HHLA2: variants seen among roughly 807,000 people sequenced by gnomAD.
The protein encoded by HHLA2 is HERV-H LTR-associating protein 2.
HHLA2 carries 48 observed loss-of-function variants against 45.9 expected under a neutral mutation model. The ratio of observed to expected loss-of-function variants is 1.05; its 90% CI spans 0.83 to 1.33. HHLA2 has a LOEUF of 1.33. HHLA2 is among the 40% of genes most tolerant of loss of function. The pLI is 0.00. For synonymous variants in HHLA2, 161 were observed against 173.9 expected, an observed-to-expected ratio of 0.93 and a Z score of 0.59; for missense variants, 462 against 494.3, an observed-to-expected ratio of 0.93 and a Z score of 0.62.
intron 6 of HHLA2, 118 bp downstream of exon 5, chr3:108,355,499 G>T: frequency 8.3e-7 from 1 of 1,202,800 alleles, no homozygotes; most frequent in South Asian, 1.5e-5. Context: ...CATCTGCAGC[G>T]GTTAGAAGAC....
chr3:108,361,449 C>T (rs981509303), intron 7 of HHLA2, among the ~76,000 whole-genome samples: 1 of 151,946 alleles, frequency 6.6e-6, no homozygotes, highest in Non-Finnish European at 1.5e-5. Context: ...ATCAAGTAAC[C>T]CTTATTTTAT....
intron 2 of HHLA2, among the ~76,000 whole-genome samples, chr3:108,312,176 T>A (rs1002162588): frequency 4.6e-5 from 7 of 152,230 alleles, no homozygotes; most frequent in African/African-American, 1.7e-4. Flanking sequence ...GTCCAGACTC[T>A]CACCAGTTCC....
chr3:108,321,220 C>A (rs916140031), intron 2 of HHLA2, among the ~76,000 whole-genome samples: 1 of 151,672 alleles, frequency 6.6e-6, no homozygotes, highest in African/African-American at 2.4e-5. Context: ...TTTGGAATGT[C>A]TGTTCACCAT....
intron 8 of HHLA2, among the ~76,000 whole-genome samples, chr3:108,372,562 A>G (rs1232877942): frequency 6.6e-6 from 1 of 151,644 alleles, no homozygotes; most frequent in East Asian, 1.9e-4. Flanking sequence ...AAAGATCAAC[A>G]AAATTGATAG....
intron 2 of HHLA2, among the ~76,000 whole-genome samples, chr3:108,316,646 A>G (rs1334468025): frequency 2.6e-5 from 4 of 152,210 alleles, no homozygotes; most frequent in African/African-American, 9.6e-5. Flanking sequence ...TAGGTCAACC[A>G]CATCCCAATG....
exon 5 of HHLA2, chr3:108,353,537 G>C (rs1560249315): frequency 6.2e-7 from 1 of 1,613,286 alleles, no homozygotes; most frequent in Admixed American, 1.7e-5. Flanking sequence ...GGGATCCGAA[G>C]TCGTAATACA....
chr3:108,323,608 C>T (rs371498225), intron 2 of HHLA2, among the ~76,000 whole-genome samples: 84 of 152,146 alleles, frequency 5.5e-4, no homozygotes, highest in East Asian at 2.5e-3. Context: ...CCCTGAAATC[C>T]GTACTATGTT....
At chr3:108,345,461 G>C (rs1288990866) in intron 3 of HHLA2, among the ~76,000 whole-genome samples, 1 of 152,242 alleles carries the variant, frequency 6.6e-6, no homozygotes. Flanking sequence ...GTGTGGTATT[G>C]TTAAAATAAC....
intron 8 of HHLA2, among the ~76,000 whole-genome samples, chr3:108,364,823 A>G (rs560573297): frequency 3.3e-5 from 5 of 152,018 alleles, no homozygotes; most frequent in Non-Finnish European, 7.4e-5. Flanking sequence ...CATATCCTTC[A>G]CCCACTTTTT....
intron 3 of HHLA2, among the ~76,000 whole-genome samples, chr3:108,344,570 G>A (rs945821423): frequency 3.9e-5 from 6 of 152,200 alleles, no homozygotes; most frequent in Non-Finnish European, 8.8e-5. Flanking sequence ...TGTACAGAAA[G>A]AGTGCACTGG....
intron 10 of HHLA2, 46 bp from the exon 10 acceptor site, chr3:108,377,212 C>G: frequency 7.6e-7 from 1 of 1,311,336 alleles, no homozygotes; most frequent in Non-Finnish European, 1.1e-6. Flanking sequence ...AATGGTTATT[C>G]TGACTTGAAC....
chr3:108,345,183 T>C (rs1576148004), intron 3 of HHLA2, among the ~76,000 whole-genome samples: 1 of 152,146 alleles, frequency 6.6e-6, no homozygotes, highest in Non-Finnish European at 1.5e-5. Context: ...TGGCTTCAGG[T>C]GAAGGCTCAG....
chr3:108,345,205 G>A (rs1237837286), intron 3 of HHLA2, among the ~76,000 whole-genome samples: 1 of 152,200 alleles, frequency 6.6e-6, no homozygotes, highest in Non-Finnish European at 1.5e-5. Context: ...CTGAACCCAA[G>A]GGAGCTCTGG....
intron 3 of HHLA2, 65 bp from the exon 3 acceptor site, chr3:108,351,723 A>C (rs2081780856): frequency 1.1e-6 from 1 of 926,772 alleles, no homozygotes; most frequent in African/African-American, 1.6e-5. Context: ...TGAATGTACC[A>C]CTCTTTTCCA....
chr3:108,355,487 T>G, intron 6 of HHLA2, 106 bp downstream of exon 5: 1 of 1,325,018 alleles, frequency 7.5e-7, no homozygotes, highest in Non-Finnish European at 1.0e-6. Context: ...AGAAAGCAAA[T>G]CCATCTGCAG....
chr3:108,346,765 G>T (rs2081668125), intron 3 of HHLA2, among the ~76,000 whole-genome samples: 1 of 152,192 alleles, frequency 6.6e-6, no homozygotes, highest in Non-Finnish European at 1.5e-5. Context: ...GTGCAGGCTA[G>T]AGAATCTGTC....
intron 8 of HHLA2, among the ~76,000 whole-genome samples, chr3:108,372,569 A>G (rs2082197786): frequency 6.6e-6 from 1 of 151,752 alleles, no homozygotes; most frequent in Admixed American, 6.6e-5. Flanking sequence ...AACAAAATTG[A>G]TAGACCGCTA....
intron 8 of HHLA2, among the ~76,000 whole-genome samples, chr3:108,375,163 A>C (rs1478819455): frequency 6.6e-6 from 1 of 152,106 alleles, no homozygotes; most frequent in African/African-American, 2.4e-5. Context: ...AAAAATGATG[A>C]GTTCATGTCC....
intron 6 of HHLA2, among the ~76,000 whole-genome samples, chr3:108,356,559 A>C (rs982360914): frequency 6.6e-6 from 1 of 152,212 alleles, no homozygotes; most frequent in African/African-American, 2.4e-5. Flanking sequence ...GCAGCAATGG[A>C]AACATGGGAA....
Sources: gnomAD v4.1 joint callset for allele counts (sites outside exome capture counted in the v4.1 genomes callset) on GRCh38, gnomAD v4.1.1 for gene constraint, MANE v1.5 for transcripts, NCBI Gene and HGNC (gene_info 2026-07-23, HGNC 2026-07-21) for gene names.